WASF3: variants seen among roughly 807,000 people sequenced by gnomAD.
The protein encoded by WASF3 is actin-binding protein WASF3.
In WASF3, 11 loss-of-function variants were observed where a neutral mutation model predicts 46.6. The ratio of observed to expected loss-of-function variants is 0.24; its 90% CI spans 0.15 to 0.39. WASF3 has a LOEUF of 0.39. WASF3 is among the 10% of genes least tolerant of loss of function. WASF3 has a pLI of 1.00. For synonymous variants in WASF3, 242 were observed against 259.7 expected (o/e 0.93, Z 0.65); for missense variants, 576 against 669.8 (o/e 0.86, Z 1.55).
At chr13:26,642,926 G>T (rs943425757) in intron 3 of WASF3, among the ~76,000 whole-genome samples, 8 of 152,152 alleles carry the variant, frequency 5.3e-5, no homozygotes, top group Non-Finnish European at 1.5e-5. Flanking sequence ...TTAAAATGCA[G>T]ATACTGATTT....
intron 2 of WASF3, among the ~76,000 whole-genome samples, chr13:26,629,645 G>A (rs1881590893): frequency 1.3e-5 from 2 of 152,132 alleles, no homozygotes; most frequent in African/African-American, 4.8e-5. Context: ...GCACACAGGG[G>A]AGGGGCACTA....
chr13:26,560,341 T>TATC (rs2137136050), intron 1 of WASF3, among the ~76,000 whole-genome samples: 1 of 152,322 alleles, frequency 6.6e-6, no homozygotes, highest in South Asian at 2.1e-4. Context: ...AAATAAACAA[T>TATC]ATCAACACAG....
intron 3 of WASF3, among the ~76,000 whole-genome samples, chr13:26,657,382 A>G (rs1882497323): frequency 6.6e-6 from 1 of 152,206 alleles, no homozygotes; most frequent in Non-Finnish European, 1.5e-5. Flanking sequence ...GGTTGGTGCA[A>G]AAGTATCTAA....
chr13:26,549,197 G>T, the WASF3 span, among the ~76,000 whole-genome samples: 1 of 151,870 alleles, frequency 6.6e-6, no homozygotes, highest in Non-Finnish European at 1.5e-5. Flanking sequence ...GGCCAGGATG[G>T]TCTCGATCTC....
At chr13:26,632,873 A>T (rs570939886) in intron 2 of WASF3, among the ~76,000 whole-genome samples, 48 of 152,262 alleles carry the variant, frequency 3.2e-4, no homozygotes, top group African/African-American at 1.1e-3. Context: ...CTAGTCAGAG[A>T]TTCAACTTCT....
At chr13:26,573,674 T>C (rs1467437421) in intron 1 of WASF3, among the ~76,000 whole-genome samples, 2 of 152,170 alleles carry the variant, frequency 1.3e-5, no homozygotes, top group Non-Finnish European at 2.9e-5. Flanking sequence ...ATTTAATTAC[T>C]AGTATTATTA....
intron 5 of WASF3, among the ~76,000 whole-genome samples, chr13:26,669,335 CTGA>C (rs931610281): frequency 1.6e-5 from 2 of 126,774 alleles, no homozygotes; most frequent in African/African-American, 6.6e-5. Context: ...CCTCAGCCTC[CTGA>C]TATCTTTGAC....
chr13:26,658,135 TATAC>T (rs1440009720), intron 3 of WASF3, among the ~76,000 whole-genome samples: 1 of 200 alleles, frequency 5.0e-3, no homozygotes, highest in Non-Finnish European at 0.25. Flanking sequence ...GGCTATTGTG[TATAC>T]ACTCCCATAG....
chr13:26,568,539 G>A lies in WASF3; in HGVS notation c.-109+10720G>A, dbSNP rs567630258. Among the ~76,000 whole-genome samples, 33 of 152,250 alleles carry A rather than the reference G, an allele frequency of 2.2e-4. 1 individual carries two copies. Among genetic ancestry groups the A allele is most frequent in the Non-Finnish European group, 3.5e-4 (24 of 68,010 alleles). Reference sequence around the variant, plus strand: ...TATCAGAGCTCTGAGATTCTTGGAAGGACTACTTGCATGCAGGAATTTTCC... The same window carrying A: ...TATCAGAGCTCTGAGATTCTTGGAAAGACTACTTGCATGCAGGAATTTTCC... On this transcript the variant is annotated intron_variant, in intron 1 of 9. Transcript: ENST00000335327.
In WASF3 at chr13:26,645,037, A is replaced by G. The variant is rs555606599; in HGVS notation, c.133+2634A>G. Among the ~76,000 whole-genome samples, 364 of 152,332 alleles carry G rather than the reference A, an allele frequency of 2.4e-3. 3 individuals carry two copies. The highest frequency in any genetic ancestry group is 8.5e-3 in the African/African-American group (353 of 41,568). ...ATTACAGAAAGAGAAGCACAGTGAT[A>G]TATACTGCCAAGGATATAATTTTGG... On this transcript the variant is annotated intron_variant, in intron 3 of 9. Transcript: ENST00000335327.
rs572371267 is a variant in WASF3, at chr13:26,563,210, A to G, written c.-109+5391A>G. Among the ~76,000 whole-genome samples, 341 of 151,968 alleles carry G rather than the reference A, an allele frequency of 2.2e-3. 8 individuals carry two copies. Among genetic ancestry groups the G allele is most frequent in the Non-Finnish European group, 4.4e-4 (30 of 67,978 alleles). On this transcript the variant is annotated intron_variant, in intron 1 of 9. Coordinates refer to ENST00000335327, the MANE Select transcript of WASF3 (RefSeq NM_006646.6). The stretch of plus-strand genomic sequence containing the variant: ...GTTTTGTGTCAGATCCTATCCGCCT[A>G]TCTTCATAGATGTTTTTATTTTTAT...
intron 3 of WASF3, among the ~76,000 whole-genome samples, chr13:26,647,445 C>T (rs1421970947): frequency 2.6e-5 from 4 of 151,676 alleles, no homozygotes; most frequent in Non-Finnish European, 5.9e-5. Flanking sequence ...AACATTAAAC[C>T]GGGAGTGCTT....
intron 2 of WASF3, among the ~76,000 whole-genome samples, chr13:26,619,937 GAC>G (rs1048284273): frequency 2.6e-5 from 4 of 152,240 alleles, no homozygotes; most frequent in Non-Finnish European, 5.9e-5. Context: ...ATCCTGGTAA[GAC>G]ACAGAAATGA....
In WASF3 at chr13:26,665,008, C is replaced by A. The variant is rs781455756; in HGVS notation, c.134-20C>A. ...TCAGCTCCCTAACAGATGGCCTTCT[C>A]CATTCATTTTATTCTACAGGCAAAC... On this transcript the variant is annotated intron_variant, in intron 3 of 9. Transcript: ENST00000335327. The A allele has an allele frequency of 3.1e-6, 5 of 1,613,506 alleles. No individual in the cohort carries two copies. The highest frequency in any genetic ancestry group is 4.2e-6 in the Non-Finnish European group (5 of 1,179,622).
At chr13:26,580,781 A>G (rs1879956077) in intron 1 of WASF3, among the ~76,000 whole-genome samples, 1 of 151,260 alleles carries the variant, frequency 6.6e-6, no homozygotes, top group Non-Finnish European at 1.5e-5. Context: ...GTGTGCCACC[A>G]CACCCGGCTA....
Position 26,580,932 on chromosome 13 carries a change from C to CTTT in WASF3, c.-109+23127_-109+23129dup, listed in dbSNP as rs5802385. On this transcript the variant is annotated intron_variant, in intron 1 of 9. Transcript: ENST00000335327. ...GAGCCACTGCACCCAGCATAAATTTCTTTTTTTTTTTTTTTTAAGGCAAGG... is the reference window on the plus strand; with the variant it reads ...GAGCCACTGCACCCAGCATAAATTTCTTTTTTTTTTTTTTTTTTTAAGGCAAGG... Among the ~76,000 whole-genome samples, 759 of 136,696 alleles carry CTTT rather than the reference C, an allele frequency of 5.6e-3. 7 individuals are homozygous for CTTT. The highest frequency in any genetic ancestry group is 5.9e-3 in the African/African-American group (214 of 36,316). The allele number at this position is 136,696 out of a possible 152,430, so 89.7% of individuals were successfully genotyped here.
intron 1 of WASF3, among the ~76,000 whole-genome samples, chr13:26,568,940 A>G (rs746130478): frequency 2.9e-4 from 44 of 152,208 alleles, no homozygotes; most frequent in Admixed American, 4.6e-4. Flanking sequence ...GTTATTGGAT[A>G]TGACCCAATT....
intron 1 of WASF3, among the ~76,000 whole-genome samples, chr13:26,604,011 G>A (rs980371899): frequency 6.6e-6 from 1 of 152,188 alleles, no homozygotes; most frequent in Non-Finnish European, 1.5e-5. Flanking sequence ...ATCTAGCTAG[G>A]TTGGTGTGGT....
rs1412072377 is a variant in WASF3 at position 26,687,936 on chromosome 13, G to A, written c.*2091G>A. ...AGAGAACACAGAAGCTACTATCCAT[G>A]TCAGGATTTATTCTATTTATATCTT... On this transcript the variant is annotated 3_prime_UTR_variant, in exon 10 of 10. Transcript: ENST00000335327. The A allele has an allele frequency of 6.6e-6, 1 of 152,090 alleles. No homozygotes were observed. The highest frequency in any genetic ancestry group is 2.1e-4 in the South Asian group (1 of 4,806). The allele number at this position is 152,090 out of a possible 1,614,324, so 9.4% of individuals were successfully genotyped here. A position where few individuals can be genotyped will look rare whatever the true frequency, so the allele number is the denominator to read the frequency against.
Sources: allele counts gnomAD v4.1 joint callset (sites outside exome capture counted in the v4.1 genomes callset), GRCh38; gene constraint gnomAD v4.1.1; transcripts MANE v1.5; gene names NCBI Gene and HGNC (gene_info 2026-07-23, HGNC 2026-07-21).